Variants in CSMD1 observed in about 807,000 individuals in gnomAD.
The protein encoded by CSMD1 is CUB and Sushi multiple domains 1, also known as CUB and sushi domain-containing protein 1.
Under a neutral mutation model 417.5 loss-of-function variants are expected in CSMD1, and 213 were observed. The observed-to-expected ratio is 0.51, with a 90% confidence interval of 0.46 to 0.57. CSMD1 has a LOEUF of 0.57. CSMD1 is among the 20% of genes least tolerant of loss of function. The pLI, the probability that CSMD1 is intolerant of heterozygous loss-of-function variation, is 0.00. For synonymous variants in CSMD1, 2,862 were observed against 1,736.8 expected (o/e 1.65, Z -16.11); for missense variants, 6,923 against 4,529.7 (o/e 1.53, Z -15.17).
chr8:3,243,465 A>C (rs1173494065), intron 26 of CSMD1, among the ~76,000 whole-genome samples: 1 of 132,774 alleles, frequency 7.5e-6, no homozygotes, highest in African/African-American at 2.7e-5. Context: ...ATTACAGTCA[A>C]AGGGGGTTGT....
intron 10 of CSMD1, among the ~76,000 whole-genome samples, chr8:3,569,862 C>G (rs904326963): frequency 6.6e-6 from 1 of 152,034 alleles, no homozygotes; most frequent in Non-Finnish European, 1.5e-5. Flanking sequence ...GTATGTCAAC[C>G]TGGAATACCT....
At chr8:4,530,577 G>A (rs796298237) in intron 2 of CSMD1, among the ~76,000 whole-genome samples, 1 of 150,210 alleles carries the variant, frequency 6.7e-6, no homozygotes, top group African/African-American at 2.5e-5. Flanking sequence ...TCCCACTTAT[G>A]AGTGAGGAAC....
intron 4 of CSMD1, among the ~76,000 whole-genome samples, chr8:4,004,927 G>C (rs943676675): frequency 2.0e-5 from 3 of 152,136 alleles, no homozygotes; most frequent in Non-Finnish European, 4.4e-5. Flanking sequence ...TGTATTTTTA[G>C]TAGAGACAGG....
chr8:3,872,831 G>A (rs1177066484), intron 5 of CSMD1, among the ~76,000 whole-genome samples: 107 of 134,262 alleles, frequency 8.0e-4, no homozygotes, highest in Non-Finnish European at 1.4e-3. Flanking sequence ...TTTACAATAA[G>A]ACAGCTCCAA....
At chr8:3,327,305 G>A (rs1806597006) in intron 23 of CSMD1, among the ~76,000 whole-genome samples, 2 of 151,962 alleles carry the variant, frequency 1.3e-5, no homozygotes, top group African/African-American at 4.8e-5. Flanking sequence ...ACCACATCTG[G>A]CTAATTTTTT....
intron 1 of CSMD1, among the ~76,000 whole-genome samples, chr8:4,834,116 T>A (rs143847789): frequency 3.9e-5 from 6 of 152,364 alleles, no homozygotes; most frequent in African/African-American, 1.4e-4. Flanking sequence ...TGTTTCTTGT[T>A]ACATAATTGA....
In CSMD1 at chr8:3,694,026, G is replaced by GGGTA. The variant is rs1800404141; in HGVS notation, c.1009+14387_1009+14388insTACC. Among the ~76,000 whole-genome samples the GGGTA allele has an allele frequency of 7.0e-3, 16 of 2,282 alleles. 1 individual carries two copies. The Middle Eastern group carries it at 0.38, about 53-fold the overall frequency. 1.5% of individuals were successfully genotyped at this position (2,282 alleles called of 152,430 possible). On this transcript the variant is annotated intron_variant, in intron 7 of 69. Transcript: ENST00000635120. ...TGTGTGTGTTGGGGTATTATGTGTT[G>GGGTA]TGTGTGTGTTGGGTATGTGTGTTGT... is the stretch of plus-strand genomic sequence containing the variant.
intron 3 of CSMD1, among the ~76,000 whole-genome samples, chr8:4,389,858 T>C (rs1803724375): frequency 6.6e-6 from 1 of 152,188 alleles, no homozygotes; most frequent in African/African-American, 2.4e-5. Context: ...TTACAAACTT[T>C]ATATATCTCC....
At chr8:3,455,666 T>A (rs938214424) in intron 12 of CSMD1, among the ~76,000 whole-genome samples, 1 of 152,216 alleles carries the variant, frequency 6.6e-6, no homozygotes, top group Non-Finnish European at 1.5e-5. Flanking sequence ...TGATCCTTCC[T>A]CTGGAAATTT....
In CSMD1 at chr8:4,917,613, G is replaced by A. The variant is rs770255959; in HGVS notation, c.85+76719C>T. 3.6e-4 allele frequency among the ~76,000 whole-genome samples: 55 copies of A among 151,960 alleles called. 1 individual carries two copies. Among genetic ancestry groups the A allele is most frequent in the Admixed American group, 6.6e-4 (10 of 15,260 alleles). ...CATGCCACTGCACTCCAGCCTGGGC[G>A]ACAGAGCGAGACTCCGTCTCAAAAT... On this transcript the variant is annotated intron_variant, in intron 1 of 69. Transcript: ENST00000635120.
At chr8:3,432,970 G>C (rs997909587) in intron 12 of CSMD1, among the ~76,000 whole-genome samples, 3 of 152,106 alleles carry the variant, frequency 2.0e-5, no homozygotes, top group African/African-American at 7.2e-5. Context: ...TTACAGTCAG[G>C]TTCTTCCAGT....
At chr8:3,809,625 C>G (rs949354063) in intron 5 of CSMD1, among the ~76,000 whole-genome samples, 3 of 152,134 alleles carry the variant, frequency 2.0e-5, no homozygotes, top group African/African-American at 4.8e-5. Context: ...CAGTCTGTCT[C>G]TGGTGGCGGC....
At chr8:4,325,218 G>A (rs964543554) in intron 3 of CSMD1, among the ~76,000 whole-genome samples, 1 of 152,186 alleles carries the variant, frequency 6.6e-6, no homozygotes, top group African/African-American at 2.4e-5. Flanking sequence ...TACATTTCCA[G>A]GGATTCCCCT....
intron 3 of CSMD1, among the ~76,000 whole-genome samples, chr8:4,078,569 C>A (rs891312117): frequency 2.0e-5 from 3 of 151,228 alleles, no homozygotes; most frequent in African/African-American, 7.3e-5. Context: ...CGGCTGATAT[C>A]CAACTTTTTA....
intron 2 of CSMD1, among the ~76,000 whole-genome samples, chr8:4,491,671 A>G (rs1457628657): frequency 1.3e-5 from 2 of 152,200 alleles, no homozygotes; most frequent in African/African-American, 2.4e-5. Context: ...AACATGAGAC[A>G]CCACTACACA....
At chr8:3,489,486 C>G (rs1460595186) in intron 11 of CSMD1, among the ~76,000 whole-genome samples, 1 of 152,194 alleles carries the variant, frequency 6.6e-6, no homozygotes, top group Non-Finnish European at 1.5e-5. Flanking sequence ...GGCCATAGCT[C>G]TCCATGCAGT....
chr8:4,023,139 A>C (rs1442021430), intron 4 of CSMD1, among the ~76,000 whole-genome samples: 1 of 152,150 alleles, frequency 6.6e-6, no homozygotes, highest in Non-Finnish European at 1.5e-5. Context: ...TAATGTGTGG[A>C]GGAACTGCCC....
At chr8:3,679,733 T>G (rs535235239) in intron 7 of CSMD1, among the ~76,000 whole-genome samples, 1 of 152,310 alleles carries the variant, frequency 6.6e-6, no homozygotes, top group South Asian at 2.1e-4. Context: ...AGAATATACA[T>G]TCTTCTCAGC....
intron 23 of CSMD1, among the ~76,000 whole-genome samples, chr8:3,333,779 A>G (rs1002510683): frequency 2.0e-4 from 31 of 152,228 alleles, no homozygotes; most frequent in African/African-American, 7.5e-4. Flanking sequence ...TCAATTTCCT[A>G]AAATATAATA....
Sources: allele counts gnomAD v4.1 joint callset (sites outside exome capture counted in the v4.1 genomes callset), GRCh38; gene constraint gnomAD v4.1.1; transcripts MANE v1.5; gene names NCBI Gene and HGNC (gene_info 2026-07-23, HGNC 2026-07-21).